The following ADAM32 variants were observed in gnomAD, a reference collection of about 807,000 sequenced individuals.
ADAM32 encodes the protein disintegrin and metalloproteinase domain-containing protein 32.
Under a neutral mutation model 114.9 loss-of-function variants are expected in ADAM32, and 89 were observed. That is an observed-to-expected ratio of 0.77 (90% CI 0.65 to 0.92). The LOEUF is 0.92. ADAM32 is among the 40% of genes least tolerant of loss of function. ADAM32 has a pLI of 0.00. For synonymous variants in ADAM32, 285 were observed against 307.5 expected, an observed-to-expected ratio of 0.93 and a Z score of 0.77; for missense variants, 870 against 932.8, an observed-to-expected ratio of 0.93 and a Z score of 0.88.
intron 14 of ADAM32, among the ~76,000 whole-genome samples, chr8:39,227,681 A>G (rs1564638588): frequency 6.6e-6 from 1 of 152,118 alleles, no homozygotes; most frequent in Admixed American, 6.5e-5. Flanking sequence ...GCAGGACCCG[A>G]CTAAGGAGAG....
intron 1 of ADAM32, 129 bp from the exon 2 acceptor site, chr8:39,117,957 G>A: frequency 5.8e-6 from 3 of 514,374 alleles, no homozygotes; most frequent in Non-Finnish European, 1.0e-5. Context: ...GTGTTTTCAA[G>A]CTTTTTATAG....
intron 18 of ADAM32, 116 bp from the exon 19 acceptor site, chr8:39,257,071 A>G (rs764190217): frequency 1.4e-5 from 15 of 1,057,888 alleles, no homozygotes; most frequent in East Asian, 5.3e-5. Context: ...GATTTTTTCC[A>G]TGTTCCTTGA....
intron 3 of ADAM32, among the ~76,000 whole-genome samples, chr8:39,144,360 A>G (rs1585393813): frequency 6.6e-6 from 1 of 152,214 alleles, no homozygotes; most frequent in African/African-American, 2.4e-5. Flanking sequence ...CTTGGAAGCA[A>G]GCCTCCCTTT....
intron 2 of ADAM32, among the ~76,000 whole-genome samples, chr8:39,132,459 A>G (rs529690352): frequency 5.4e-4 from 82 of 152,328 alleles, no homozygotes; most frequent in Non-Finnish European, 1.1e-3. Context: ...TCTTCTCTGT[A>G]CTGTTCTTGT....
chr8:39,246,048 A>G (rs1404427997), intron 16 of ADAM32, 35 bp from the exon 17 acceptor site: 7 of 1,542,186 alleles, frequency 4.5e-6, no homozygotes, highest in Non-Finnish European at 6.3e-6. Flanking sequence ...TACCCCTCTG[A>G]CATGGGAACT....
At chr8:39,122,460 A>G (rs763510069) in intron 2 of ADAM32, among the ~76,000 whole-genome samples, 1 of 152,134 alleles carries the variant, frequency 6.6e-6, no homozygotes, top group Non-Finnish European at 1.5e-5. Context: ...GCCATGTGAG[A>G]ACATAGTGAG....
intron 24 of ADAM32, among the ~76,000 whole-genome samples, chr8:39,284,378 T>TACACACACACACACACACAC (rs367964426): frequency 1.2e-4 from 17 of 142,118 alleles, no homozygotes; most frequent in African/African-American, 4.4e-4. Context: ...CACACACACG[T>TACACACACACACACACACAC]ACACACACAC....
intron 2 of ADAM32, among the ~76,000 whole-genome samples, chr8:39,128,212 GT>G (rs2129444697): frequency 6.6e-6 from 1 of 152,244 alleles, no homozygotes; most frequent in Admixed American, 6.5e-5. Context: ...CCTGTATTGG[GT>G]GCATATATGT....
At chr8:39,259,753 G>A (rs1811900450) in intron 19 of ADAM32, among the ~76,000 whole-genome samples, 1 of 152,214 alleles carries the variant, frequency 6.6e-6, no homozygotes, top group South Asian at 2.1e-4. Context: ...TCTAAAAATT[G>A]TTTTGTTTTG....
chr8:39,226,934 A>G (rs974841324), intron 14 of ADAM32, among the ~76,000 whole-genome samples: 1 of 152,234 alleles, frequency 6.6e-6, no homozygotes, highest in Non-Finnish European at 1.5e-5. Flanking sequence ...TACTGAAATA[A>G]TTATTACTAT....
intron 19 of ADAM32, among the ~76,000 whole-genome samples, chr8:39,265,266 T>C (rs1468342938): frequency 2.0e-5 from 3 of 152,186 alleles, no homozygotes; most frequent in Admixed American, 1.3e-4. Context: ...TTCTTTGTCC[T>C]TTTTTATTGT....
rs79350110 is a variant in ADAM32, at chr8:39,238,517, A to G, written c.1818+4435A>G. On this transcript the variant is annotated intron_variant, in intron 16 of 24. Transcript: ENST00000379907. The stretch of plus-strand genomic sequence containing the variant: ...ACAATTCTGGTAATATGACAAAAAC[A>G]TGGTTCTATAACACTCCCAAAAGAT... 1.8e-3 allele frequency among the ~76,000 whole-genome samples: 275 copies of G among 152,326 alleles called. 1 individual carries two copies. The highest frequency in any genetic ancestry group is 6.3e-3 in the African/African-American group (260 of 41,572).
intron 2 of ADAM32, among the ~76,000 whole-genome samples, chr8:39,129,331 T>C (rs768609598): frequency 6.6e-6 from 1 of 152,212 alleles, no homozygotes; most frequent in Non-Finnish European, 1.5e-5. Flanking sequence ...AATTTCTTGT[T>C]AACTAGTGAG....
intron 17 of ADAM32, among the ~76,000 whole-genome samples, chr8:39,252,891 A>T (rs1811394461): frequency 6.6e-6 from 1 of 151,694 alleles, no homozygotes. Context: ...GAACAATAAC[A>T]AATAAAGAGA....
intron 2 of ADAM32, among the ~76,000 whole-genome samples, chr8:39,134,678 C>G (rs576295530): frequency 6.6e-6 from 1 of 152,278 alleles, no homozygotes; most frequent in East Asian, 1.9e-4. Context: ...CCTCTACACT[C>G]TTTAAAGATC....
At chr8:39,232,338 A>G (rs932964758) in intron 15 of ADAM32, among the ~76,000 whole-genome samples, 1 of 152,122 alleles carries the variant, frequency 6.6e-6, no homozygotes, top group Non-Finnish European at 1.5e-5. Flanking sequence ...TTATACGTGA[A>G]TGGCCATTAT....
At chr8:39,120,771 A>C (rs1281372417) in intron 2 of ADAM32, among the ~76,000 whole-genome samples, 1 of 151,774 alleles carries the variant, frequency 6.6e-6, no homozygotes, top group Admixed American at 6.6e-5. Context: ...CAAAAAAAAA[A>C]AAAAAAAAAG....
chr8:39,242,417 T>A (rs7014523), intron 16 of ADAM32, among the ~76,000 whole-genome samples: 2 of 152,186 alleles, frequency 1.3e-5, no homozygotes, highest in Non-Finnish European at 2.9e-5. Context: ...AAGACATACC[T>A]GAGACTGGGC....
chr8:39,115,679 A>G (rs1198799324), intron 1 of ADAM32, among the ~76,000 whole-genome samples: 1 of 151,628 alleles, frequency 6.6e-6, no homozygotes, highest in Non-Finnish European at 1.5e-5. Context: ...TATTTTCTGC[A>G]TTCTGCAGGT....
Sources: allele counts gnomAD v4.1 joint callset (sites outside exome capture counted in the v4.1 genomes callset), GRCh38; gene constraint gnomAD v4.1.1; transcripts MANE v1.5; gene names NCBI Gene and HGNC (gene_info 2026-07-23, HGNC 2026-07-21).